Variants in POTEJ observed in about 807,000 individuals in gnomAD.
The protein encoded by POTEJ is POTE ankyrin domain family, member J.
Under a neutral mutation model 69.0 loss-of-function variants are expected in POTEJ, and 11 were observed. The observed-to-expected ratio is 0.16, with a 90% CI of 0.10 to 0.26. The LOEUF (loss-of-function observed/expected upper bound fraction) is 0.26, where lower values mean the gene tolerates loss of function less well. Ranked by LOEUF, POTEJ falls within the 10% of genes least tolerant of loss-of-function variation. POTEJ has a pLI of 1.00. For synonymous variants in POTEJ, 117 were observed against 381.1 expected, an observed-to-expected ratio of 0.31 and a Z score of 8.07; for missense variants, 327 against 1,045.5, an observed-to-expected ratio of 0.31 and a Z score of 9.48.
chr2:130,614,590 C>A (rs1348327619), intron 1 of POTEJ, among the ~76,000 whole-genome samples: 1 of 148,078 alleles, frequency 6.8e-6, no homozygotes, highest in Non-Finnish European at 1.5e-5. Context: ...AGAATCTGCT[C>A]GTGTTAGCTG....
chr2:130,646,652 TAAAC>T (rs1558931035), intron 13 of POTEJ, among the ~76,000 whole-genome samples: 1 of 145,554 alleles, frequency 6.9e-6, no homozygotes, highest in Admixed American at 6.8e-5. Flanking sequence ...AGCCACATAA[TAAAC>T]AAAATACTCG....
At chr2:130,614,287 A>G (rs1685348395) in intron 1 of POTEJ, among the ~76,000 whole-genome samples, 1 of 152,108 alleles carries the variant, frequency 6.6e-6, no homozygotes, top group Non-Finnish European at 1.5e-5. Flanking sequence ...TCAAACAGAC[A>G]CTTTAGTGGT....
chr2:130,639,531 A>G (rs1686258624), intron 10 of POTEJ, among the ~76,000 whole-genome samples: 2 of 152,408 alleles, frequency 1.3e-5, no homozygotes, highest in East Asian at 1.9e-4. Context: ...AATTTTCCCA[A>G]TGCAAGGGTC....
chr2:130,615,813 C>A (rs147629292), intron 1 of POTEJ, among the ~76,000 whole-genome samples: 2 of 113,978 alleles, frequency 1.8e-5, no homozygotes, highest in African/African-American at 3.3e-5. Context: ...TTTAAAACAA[C>A]AAAATTTATA....
chr2:130,640,649 T>A (rs1386581688), intron 10 of POTEJ, among the ~76,000 whole-genome samples: 1 of 151,710 alleles, frequency 6.6e-6, no homozygotes, highest in African/African-American at 2.4e-5. Context: ...TCTTCACGTG[T>A]GTCTTTTAAA....
chr2:130,648,794 T>G (rs1686690531), intron 13 of POTEJ, among the ~76,000 whole-genome samples: 1 of 108,484 alleles, frequency 9.2e-6, no homozygotes, highest in Admixed American at 8.4e-5. Flanking sequence ...TTTTTTTTTT[T>G]TTTTTTTTTT....
intron 1 of POTEJ, among the ~76,000 whole-genome samples, chr2:130,613,407 T>C (rs1277619540): frequency 3.5e-5 from 5 of 144,192 alleles, no homozygotes; most frequent in Non-Finnish European, 6.0e-5. Context: ...TATATATATA[T>C]ATACTTTTTT....
rs539606845 is a variant in POTEJ, at chr2:130,646,545, T to C, written c.1667+235T>C. The stretch of plus-strand genomic sequence containing the variant: ...GTGAGGGAAAAGGCATTTTCTTCTC[T>C]TTTCAGTGAACTTTTATTTTAGCTT... On this transcript the variant is annotated intron_variant, in intron 13 of 14. Coordinates refer to ENST00000409602, the MANE Select transcript of POTEJ (RefSeq NM_001277083.2). Among the ~76,000 whole-genome samples the C allele has an allele frequency of 1.5e-3, 213 of 143,658 alleles. 3 individuals are homozygous for C. Among genetic ancestry groups the C allele is most frequent in the Non-Finnish European group, 2.6e-3 (171 of 65,502 alleles). 94.2% of individuals were successfully genotyped at this position (143,658 alleles called of 152,430 possible).
intron 7 of POTEJ, among the ~76,000 whole-genome samples, chr2:130,631,041 T>C (rs1197514828): frequency 6.2e-5 from 9 of 144,256 alleles, no homozygotes; most frequent in African/African-American, 1.4e-4. Flanking sequence ...GGTTTTGGAA[T>C]ACTACAAATC....
intron 10 of POTEJ, among the ~76,000 whole-genome samples, chr2:130,641,804 G>A (rs1686387800): frequency 6.6e-6 from 1 of 152,216 alleles, no homozygotes; most frequent in African/African-American, 2.4e-5. Flanking sequence ...CTACTAGTTT[G>A]ACTCTCAGTA....
chr2:130,649,537 T>C (rs1213223769), intron 13 of POTEJ, among the ~76,000 whole-genome samples: 6 of 151,974 alleles, frequency 3.9e-5, no homozygotes, highest in Admixed American at 3.9e-4. Flanking sequence ...AGCTTCCCCT[T>C]TCATCAATTC....
At chr2:130,640,771 C>T (rs1686330701) in intron 10 of POTEJ, among the ~76,000 whole-genome samples, 1 of 152,160 alleles carries the variant, frequency 6.6e-6, no homozygotes, top group Non-Finnish European at 1.5e-5. Flanking sequence ...ACCTGATTAG[C>T]TTAGAATAAA....
intron 8 of POTEJ, among the ~76,000 whole-genome samples, chr2:130,631,798 C>T (rs1685909695): frequency 7.0e-6 from 1 of 142,512 alleles, no homozygotes; most frequent in Admixed American, 6.9e-5. Flanking sequence ...TTCTGTGTAT[C>T]TTCCAGCTAG....
chr2:130,613,384 G>GTGTGTATATATATA (rs775956806), intron 1 of POTEJ, among the ~76,000 whole-genome samples: 2 of 83,578 alleles, frequency 2.4e-5, no homozygotes, highest in African/African-American at 9.2e-5. Flanking sequence ...GTGTGTGTGT[G>GTGTGTATATATATA]TATATATATA....
In POTEJ at chr2:130,650,307, A is replaced by T. The variant is rs1686762608; in HGVS notation, c.1667+3997A>T. Among the ~76,000 whole-genome samples, 5 of 152,382 alleles carry T rather than the reference A, an allele frequency of 3.3e-5. No homozygotes were observed. In the South Asian group the frequency reaches 1.0e-3, roughly 32 times the overall value. On this transcript the variant is annotated intron_variant, in intron 13 of 14. Transcript: ENST00000409602. ...TTCTGGCCATCCCAACTTTCCCACCACCCTTCCCATCAAACACATAAAGAT... is the reference window on the plus strand; with the variant it reads ...TTCTGGCCATCCCAACTTTCCCACCTCCCTTCCCATCAAACACATAAAGAT...
intron 1 of POTEJ, among the ~76,000 whole-genome samples, chr2:130,612,552 A>C (rs1685249529): frequency 6.6e-6 from 1 of 152,286 alleles, no homozygotes; most frequent in Admixed American, 6.5e-5. Context: ...CGAGGTCAGG[A>C]GATCGAGACC....
intron 10 of POTEJ, among the ~76,000 whole-genome samples, chr2:130,640,803 G>A (rs1449653790): frequency 1.3e-5 from 2 of 152,208 alleles, no homozygotes; most frequent in Non-Finnish European, 2.9e-5. Flanking sequence ...CTGAGGCTGA[G>A]GAGGGGGATT....
intron 6 of POTEJ, among the ~76,000 whole-genome samples, chr2:130,626,692 G>T (rs1685719677): frequency 6.6e-6 from 1 of 152,184 alleles, no homozygotes; most frequent in Non-Finnish European, 1.5e-5. Flanking sequence ...GACAAAGGAA[G>T]TTTTTGCAGT....
At chr2:130,655,199 A>G (rs1686939913) in intron 14 of POTEJ, among the ~76,000 whole-genome samples, 158 bp downstream of exon 14, 2 of 151,680 alleles carry the variant, frequency 1.3e-5, no homozygotes, top group Non-Finnish European at 2.9e-5. Context: ...GGATAAAGCC[A>G]TGTTCTTAAT....
Sources: allele counts gnomAD v4.1 joint callset (sites outside exome capture counted in the v4.1 genomes callset), GRCh38; gene constraint gnomAD v4.1.1; transcripts MANE v1.5; gene names NCBI Gene and HGNC (gene_info 2026-07-23, HGNC 2026-07-21).